The following SGCZ variants were observed in gnomAD, a reference collection of about 807,000 sequenced individuals.
The protein encoded by SGCZ is zeta-sarcoglycan.
A neutral mutation model predicts 41.3 loss-of-function variants in SGCZ; 40 were observed. The ratio of observed to expected loss-of-function variants is 0.97; its 90% CI spans 0.75 to 1.26. SGCZ has a LOEUF of 1.26. Among genes scored for constraint, SGCZ ranks in the 50% most tolerant of loss-of-function variants. SGCZ has a pLI of 0.00. For missense variants in SGCZ, 552 were observed against 369.8 expected (o/e 1.49, Z -4.04); for synonymous variants, 206 against 137.5 (o/e 1.50, Z -3.49).
chr8:14,729,161 C>G (rs1186976821), intron 1 of SGCZ, among the ~76,000 whole-genome samples: 1 of 152,152 alleles, frequency 6.6e-6, no homozygotes, highest in Admixed American at 6.5e-5. Context: ...AATACCCACA[C>G]CACTAAAGTC....
intron 1 of SGCZ, among the ~76,000 whole-genome samples, chr8:15,101,424 G>T (rs1353141155): frequency 1.3e-5 from 2 of 151,804 alleles, no homozygotes; most frequent in African/African-American, 2.4e-5. Flanking sequence ...CTGAGAAATA[G>T]GCAAAAAACA....
At position 15,168,088 on chromosome 8, in the gene SGCZ, G is replaced by A. The variant is rs182592603; in HGVS notation, c.39+69497C>T. ...CATCCTTTCCTCTCTCTTGTTGGAG[G>A]AGGACTCAATTTCACAATTTCACCT... On this transcript the variant is annotated intron_variant, in intron 1 of 7. Coordinates refer to ENST00000382080, the MANE Select transcript of SGCZ (RefSeq NM_139167.4). 1.1e-4 allele frequency among the ~76,000 whole-genome samples: 16 copies of A among 152,270 alleles called. No homozygotes were observed. The East Asian group carries it at 3.1e-3, about 29-fold the overall frequency.
chr8:14,213,793 G>A (rs1429833187), intron 4 of SGCZ, among the ~76,000 whole-genome samples: 1 of 152,026 alleles, frequency 6.6e-6, no homozygotes, highest in South Asian at 2.1e-4. Context: ...AAATGTAAAA[G>A]ATCATGGGAC....
intron 1 of SGCZ, among the ~76,000 whole-genome samples, chr8:14,813,303 A>T (rs1801789987): frequency 6.6e-6 from 1 of 152,198 alleles, no homozygotes; most frequent in Non-Finnish European, 1.5e-5. Context: ...ATTTTTTAAT[A>T]TAATCTCTAT....
In SGCZ at chr8:14,488,597, G is replaced by C. The variant is rs148009821; in HGVS notation, c.234+66135C>G. ...TAACCCATTGAAATGTAATCATCTA[G>C]AAAGACAGTGCCCCAATCTTTCCAT... On this transcript the variant is annotated intron_variant, in intron 2 of 7. Coordinates refer to ENST00000382080, the MANE Select transcript of SGCZ (RefSeq NM_139167.4). Among the ~76,000 whole-genome samples the C allele has an allele frequency of 3.9e-4, 60 of 152,154 alleles. 1 individual carries two copies. The East Asian group carries it at 0.012, about 29-fold the overall frequency.
At chr8:14,816,210 G>T (rs1801898819) in intron 1 of SGCZ, among the ~76,000 whole-genome samples, 1 of 152,170 alleles carries the variant, frequency 6.6e-6, no homozygotes, top group Admixed American at 6.5e-5. Flanking sequence ...ACATATTTCA[G>T]ATATTCACTA....
intron 1 of SGCZ, among the ~76,000 whole-genome samples, chr8:15,103,138 A>C (rs1840353): frequency 0.98 from 149,272 of 152,270 alleles, 73,246 homozygotes; most frequent in East Asian, 1. Flanking sequence ...CAGTGGCTCA[A>C]GGCTGTAATC....
chr8:14,288,583 A>G (rs1159724363), intron 3 of SGCZ, among the ~76,000 whole-genome samples: 1 of 152,182 alleles, frequency 6.6e-6, no homozygotes, highest in Non-Finnish European at 1.5e-5. Context: ...TTCAAGATTC[A>G]TTCATGTTGA....
rs147508251 is a variant in SGCZ, at chr8:14,562,086, T to C, written c.40-7160A>G. 1.1e-4 allele frequency among the ~76,000 whole-genome samples: 16 copies of C among 152,214 alleles called. No homozygotes were observed. The East Asian group carries it at 3.1e-3, about 29-fold the overall frequency. On this transcript the variant is annotated intron_variant, in intron 1 of 7. Coordinates refer to ENST00000382080, the MANE Select transcript of SGCZ (RefSeq NM_139167.4). ...GTGACTTCTACTGATCTGGATGGTA[T>C]GGGAGAAAAAATAACTAGGGTAGCA...
intron 3 of SGCZ, among the ~76,000 whole-genome samples, chr8:14,283,156 C>G (rs1488426762): frequency 3.4e-5 from 5 of 149,188 alleles, no homozygotes; most frequent in African/African-American, 1.2e-4. Flanking sequence ...GCCTCAAATA[C>G]TTTTAACCAG....
intron 1 of SGCZ, among the ~76,000 whole-genome samples, chr8:14,864,539 C>T (rs1056449521): frequency 1.2e-4 from 19 of 152,154 alleles, no homozygotes; most frequent in African/African-American, 4.1e-4. Flanking sequence ...AATCTTGTGT[C>T]CCGGTGACTT....
At chr8:15,177,482 G>A (rs936404435) in intron 1 of SGCZ, among the ~76,000 whole-genome samples, 1 of 152,096 alleles carries the variant, frequency 6.6e-6, no homozygotes, top group African/African-American at 2.4e-5. Context: ...TCAACTATTT[G>A]ATTTTAAAGA....
At chr8:15,063,415 T>C (rs868558754) in intron 1 of SGCZ, among the ~76,000 whole-genome samples, 1 of 152,146 alleles carries the variant, frequency 6.6e-6, no homozygotes, top group Non-Finnish European at 1.5e-5. Flanking sequence ...GAAAAAGTTA[T>C]ATTACAAAGA....
chr8:14,288,578 G>C (rs1025122385), intron 3 of SGCZ, among the ~76,000 whole-genome samples: 1 of 152,106 alleles, frequency 6.6e-6, no homozygotes, highest in Non-Finnish European at 1.5e-5. Flanking sequence ...ATGTTTTCAA[G>C]ATTCATTCAT....
At chr8:15,123,304 T>A (rs1031538737) in intron 1 of SGCZ, among the ~76,000 whole-genome samples, 3 of 152,330 alleles carry the variant, frequency 2.0e-5, no homozygotes, top group East Asian at 1.9e-4. Flanking sequence ...TTATAAAGAT[T>A]TATGCCTTTT....
chr8:15,100,844 T>C (rs1025162304), intron 1 of SGCZ, among the ~76,000 whole-genome samples: 1 of 151,940 alleles, frequency 6.6e-6, no homozygotes, highest in Admixed American at 6.6e-5. Context: ...AAAAAATTAG[T>C]TGGGCATGGT....
chr8:14,238,329 A>T (rs561720203), intron 3 of SGCZ, among the ~76,000 whole-genome samples: 1 of 152,328 alleles, frequency 6.6e-6, no homozygotes, highest in South Asian at 2.1e-4. Context: ...TGAAGGAAAT[A>T]ATTTATGAAG....
intron 1 of SGCZ, among the ~76,000 whole-genome samples, chr8:14,969,714 A>C (rs1228086385): frequency 6.6e-6 from 1 of 151,990 alleles, no homozygotes; most frequent in East Asian, 1.9e-4. Context: ...GTCATATGTT[A>C]ATTGTTCACT....
Position 14,164,707 on chromosome 8 carries a change from G to C in SGCZ, c.425-5C>G. ...GAGCTTCCACAGCATCAGCTCCTATGGTCAGAGGAAAGGTTTAAAAATGAA... is the reference window on the plus strand; with the variant it reads ...GAGCTTCCACAGCATCAGCTCCTATCGTCAGAGGAAAGGTTTAAAAATGAA... On this transcript the variant is annotated splice_region_variant and splice_polypyrimidine_tract_variant and intron_variant, in intron 4 of 7. Coordinates refer to ENST00000382080, the MANE Select transcript of SGCZ (RefSeq NM_139167.4). The C allele has an allele frequency of 6.2e-7, 1 of 1,612,612 alleles. No homozygotes were observed. Among genetic ancestry groups the C allele is most frequent in the Non-Finnish European group, 8.5e-7 (1 of 1,179,356 alleles).
Sources: gnomAD v4.1 joint callset for allele counts (sites outside exome capture counted in the v4.1 genomes callset) on GRCh38, gnomAD v4.1.1 for gene constraint, MANE v1.5 for transcripts, NCBI Gene and HGNC (gene_info 2026-07-23, HGNC 2026-07-21) for gene names.